Variants in ARPC5L observed in about 807,000 individuals in gnomAD.
ARPC5L encodes the protein actin-related protein 2/3 complex subunit 5-like protein.
ARPC5L carries 4 observed loss-of-function variants against 16.9 expected under a neutral mutation model. That is an observed-to-expected ratio of 0.24 (90% CI 0.12 to 0.54). ARPC5L has a LOEUF of 0.54. ARPC5L is among the 20% of genes least tolerant of loss of function. ARPC5L has a pLI of 0.95. For synonymous variants in ARPC5L, 78 were observed against 82.6 expected, an observed-to-expected ratio of 0.94 and a Z score of 0.30; for missense variants, 151 against 201.9, an observed-to-expected ratio of 0.75 and a Z score of 1.53.
chr9:124,865,970 T>C (rs1310945216), intron 2 of ARPC5L, among the ~76,000 whole-genome samples: 1 of 151,824 alleles, frequency 6.6e-6, no homozygotes, highest in Non-Finnish European at 1.5e-5. Context: ...CCAGGCGTGG[T>C]GGTGTGCACC....
chr9:124,864,394 C>T (rs1461580800), intron 2 of ARPC5L, among the ~76,000 whole-genome samples: 1 of 152,068 alleles, frequency 6.6e-6, no homozygotes, highest in Non-Finnish European at 1.5e-5. Context: ...GAGTCTTGCT[C>T]TATTGCCCAA....
At chr9:124,869,546 T>A (rs1344803791) in intron 3 of ARPC5L, 107 bp downstream of exon 3, 6 of 1,382,932 alleles carry the variant, frequency 4.3e-6, no homozygotes, top group Admixed American at 3.7e-5. Flanking sequence ...CTCCGACCCT[T>A]GGCCCCCTCA....
At chr9:124,870,298 T>A (rs947930466) in intron 3 of ARPC5L, among the ~76,000 whole-genome samples, 3 of 152,210 alleles carry the variant, frequency 2.0e-5, no homozygotes, top group African/African-American at 7.2e-5. Context: ...TAGAGGTGAT[T>A]GTCACAGCCT....
rs1411968124 is a variant in ARPC5L, at chr9:124,877,715, C to CCAAA, written c.*778_*781dup. ...CTTATTTAATTAATTTAATAAAGTG[C>CCAAA]CAAACATTTAATAATTGATCTAGGC... On this transcript the variant is annotated 3_prime_UTR_variant, in exon 6 of 6. Coordinates refer to ENST00000353214, the MANE Select transcript of ARPC5L (RefSeq NM_030978.3). 1 of 152,140 alleles carries CCAAA rather than the reference C, an allele frequency of 6.6e-6. No homozygotes were observed. Among genetic ancestry groups the CCAAA allele is most frequent in the Non-Finnish European group, 1.5e-5 (1 of 68,028 alleles). 9.4% of individuals were successfully genotyped at this position (152,140 alleles called of 1,614,324 possible).
At chr9:124,874,325 C>T (rs1011682335) in intron 4 of ARPC5L, among the ~76,000 whole-genome samples, 1 of 152,268 alleles carries the variant, frequency 6.6e-6, no homozygotes, top group South Asian at 2.1e-4. Context: ...ACGCTGCAGC[C>T]GAGTCAACCT....
At chr9:124,870,099 C>T (rs1829334485) in intron 3 of ARPC5L, among the ~76,000 whole-genome samples, 1 of 152,212 alleles carries the variant, frequency 6.6e-6, no homozygotes, top group Non-Finnish European at 1.5e-5. Context: ...TTGGTGGTCT[C>T]AGCCACGCTC....
Position 124,875,025 on chromosome 9 carries a change from T to A in ARPC5L, c.273T>A (p.Ser91Arg). The change falls in exon 5 of 6, where the codon AGT (serine) becomes AGA (arginine). Residue 91 changes from serine (S) to arginine (R), a missense_variant. Coordinates refer to ENST00000353214, the MANE Select transcript of ARPC5L (RefSeq NM_030978.3). ...VLKVLTNFKS[S>R]EIEQAVQSLD... ...AAGTGCTCACAAACTTCAAGAGCAG[T>A]GAGATTGAGCAGGCTGTGCAGTCAC... 1 of 1,613,768 alleles carries A rather than the reference T, an allele frequency of 6.2e-7. No homozygotes were observed.
At chr9:124,866,199 T>A (rs1588040632) in intron 2 of ARPC5L, among the ~76,000 whole-genome samples, 1 of 151,098 alleles carries the variant, frequency 6.6e-6, no homozygotes, top group Non-Finnish European at 1.5e-5. Context: ...AGGTCAGGAG[T>A]TTGAAACCAG....
At chr9:124,865,051 C>T (rs1349974160) in intron 2 of ARPC5L, among the ~76,000 whole-genome samples, 1 of 152,008 alleles carries the variant, frequency 6.6e-6, no homozygotes, top group Non-Finnish European at 1.5e-5. Flanking sequence ...AGGCTGGTCT[C>T]AAACTCCTGA....
At chr9:124,869,586 C>T in intron 3 of ARPC5L, 147 bp downstream of exon 3, 3 of 1,317,728 alleles carry the variant, frequency 2.3e-6, no homozygotes, top group Non-Finnish European at 2.9e-6. Context: ...GCCGACCCGG[C>T]TTCCCTGGGC....
intron 3 of ARPC5L, 85 bp from the exon 4 acceptor site, chr9:124,873,605 CTG>C (rs1829390935): frequency 6.8e-7 from 1 of 1,470,122 alleles, no homozygotes; most frequent in Admixed American, 1.7e-5. Context: ...CCATCTGACT[CTG>C]TTCCTGAGCT....
intron 2 of ARPC5L, among the ~76,000 whole-genome samples, chr9:124,866,775 C>T (rs1392396917): frequency 6.6e-6 from 1 of 152,190 alleles, no homozygotes; most frequent in Non-Finnish European, 1.5e-5. Flanking sequence ...TTGGCCCCTG[C>T]CTGGTTGGGC....
chr9:124,868,679 C>G lies in ARPC5L; in HGVS notation c.-612C>G, dbSNP rs535273649. The G allele has an allele frequency of 1.3e-5, 2 of 152,466 alleles. No individual in the cohort carries two copies. Among genetic ancestry groups the G allele is most frequent in the East Asian group, 3.9e-4 (2 of 5,190 alleles). The allele number at this position is 152,466 out of a possible 1,614,324, so 9.4% of individuals were successfully genotyped here. ...GTCACCTCTGTGTACAGGCGGCCTC[C>G]TCGTACTAAGTGTGGTGGCGTTCAA... On this transcript the variant is annotated 5_prime_UTR_variant, in exon 3 of 6. Transcript: ENST00000353214.
rs968291742 is a variant in ARPC5L, at chr9:124,865,682, A to G, written c.-864+1575A>G. On this transcript the variant is annotated intron_variant, in intron 2 of 5. Coordinates refer to ENST00000353214, the MANE Select transcript of ARPC5L (RefSeq NM_030978.3). ...GTGGCGGGTGCCTATAATCACAGCT[A>G]TTCGGGAGGCTGAGGCAGGAGAATT... Among the ~76,000 whole-genome samples the G allele has an allele frequency of 3.9e-5, 6 of 151,904 alleles. No homozygotes were observed. In the East Asian group the frequency reaches 1.2e-3, roughly 30 times the overall value.
Position 124,869,400 on chromosome 9 carries a change from C to A in ARPC5L, c.110C>A (p.Pro37Gln), listed in dbSNP as rs761494406. Residue 37 changes from proline to glutamine, a missense_variant, in exon 3 of 6, where the codon CCA (proline) becomes CAA (glutamine). Transcript: ENST00000353214. ...QEEAAAAAAE[P>Q]GPDPSEVDGL... ...GAGGCGGCGGCGGCGGCGGCGGAGC[C>A]AGGCCCGGACCCGAGCGAGGTGGAC... The A allele has an allele frequency of 4.6e-6, 7 of 1,508,696 alleles. No individual in the cohort carries two copies. The South Asian group carries it at 8.7e-5, about 19-fold the overall frequency. The allele number at this position is 1,508,696 out of a possible 1,614,324, so 93.5% of individuals were successfully genotyped here. A position where few individuals can be genotyped will look rare whatever the true frequency, so the allele number is the denominator to read the frequency against.
chr9:124,875,530 GT>G lies in ARPC5L; in HGVS notation c.399+381del, dbSNP rs551595554. Reference sequence around the variant, plus strand: ...GCAGTGGTGGAGGCAGCTGTTGGGGGTTCTTAGAAATAGAGTCCTCCAGCCA... The same window carrying G: ...GCAGTGGTGGAGGCAGCTGTTGGGGGTCTTAGAAATAGAGTCCTCCAGCCA... On this transcript the variant is annotated intron_variant, in intron 5 of 5. Coordinates refer to ENST00000353214, the MANE Select transcript of ARPC5L (RefSeq NM_030978.3). Among the ~76,000 whole-genome samples the G allele has an allele frequency of 2.5e-3, 386 of 152,278 alleles. 2 individuals are homozygous for G. The highest frequency in any genetic ancestry group is 0.013 in the South Asian group (65 of 4,822).
At chr9:124,873,860 G>T (rs1253230302) in intron 4 of ARPC5L, 96 bp downstream of exon 4, 1 of 1,472,464 alleles carries the variant, frequency 6.8e-7, no homozygotes, top group Non-Finnish European at 9.4e-7. Context: ...CACATCAGAG[G>T]GAGTGAGTTG....
intron 5 of ARPC5L, among the ~76,000 whole-genome samples, chr9:124,876,001 A>G (rs1201119938): frequency 1.3e-5 from 2 of 152,102 alleles, no homozygotes; most frequent in Admixed American, 6.5e-5. Flanking sequence ...AGTCCTCTGT[A>G]TGATGGGGAG....
chr9:124,866,427 A>G (rs1829271523), intron 2 of ARPC5L, among the ~76,000 whole-genome samples: 1 of 151,624 alleles, frequency 6.6e-6, no homozygotes, highest in Admixed American at 6.6e-5. Flanking sequence ...AAAATAAAAC[A>G]AAATAAGAAA....
Sources: gnomAD v4.1 joint callset for allele counts (sites outside exome capture counted in the v4.1 genomes callset) on GRCh38, gnomAD v4.1.1 for gene constraint, MANE v1.5 for transcripts, NCBI Gene and HGNC (gene_info 2026-07-23, HGNC 2026-07-21) for gene names.